Variants in APBA1 observed in about 807,000 individuals in gnomAD.
APBA1 encodes amyloid beta precursor protein binding family A member 1.
APBA1 carries 55 observed loss-of-function variants against 86.6 expected under a neutral mutation model. That is an observed-to-expected ratio of 0.64 (90% CI 0.51 to 0.80). The LOEUF is 0.80. Ranked by LOEUF, APBA1 falls within the 30% of genes least tolerant of loss-of-function variation. The pLI, the probability that APBA1 is intolerant of heterozygous loss-of-function variation, is 0.00. For missense variants in APBA1, 1,090 were observed against 1,183.0 expected, an observed-to-expected ratio of 0.92 and a Z score of 1.15; for synonymous variants, 511 against 493.9, an observed-to-expected ratio of 1.03 and a Z score of -0.46.
At chr9:69,501,081 G>A (rs1835873413) in intron 2 of APBA1, among the ~76,000 whole-genome samples, 1 of 151,922 alleles carries the variant, frequency 6.6e-6, no homozygotes, top group African/African-American at 2.4e-5. Flanking sequence ...CCACGGGTAG[G>A]GTCTGACCAA....
intron 1 of APBA1, among the ~76,000 whole-genome samples, chr9:69,588,570 T>C (rs1822067125): frequency 6.6e-6 from 1 of 151,958 alleles, no homozygotes; most frequent in Non-Finnish European, 1.5e-5. Context: ...GAGAGGAAAA[T>C]AATCAGCACT....
chr9:69,467,979 T>TAG lies in APBA1; in HGVS notation c.1337-13_1337-12dup. 6.2e-7 allele frequency: 1 copy of TAG among 1,613,374 alleles called. No homozygotes were observed. Among genetic ancestry groups the TAG allele is most frequent in the Non-Finnish European group, 8.5e-7 (1 of 1,179,492 alleles). ...CGCAGGGTCCCGGAACTGTAACACATAGAGCCACAGTGAGGAAGCCATCCT... is the reference window on the plus strand; with the variant it reads ...CGCAGGGTCCCGGAACTGTAACACATAGAGAGCCACAGTGAGGAAGCCATCCT... On this transcript the variant is annotated splice_polypyrimidine_tract_variant and intron_variant, in intron 4 of 12. Coordinates refer to ENST00000265381, the MANE Select transcript of APBA1 (RefSeq NM_001163.4).
At chr9:69,496,309 T>A (rs1413938849) in intron 2 of APBA1, among the ~76,000 whole-genome samples, 1 of 152,058 alleles carries the variant, frequency 6.6e-6, no homozygotes, top group Non-Finnish European at 1.5e-5. Flanking sequence ...TTCTCTCTCA[T>A]CAAACCCTTT....
intron 1 of APBA1, among the ~76,000 whole-genome samples, chr9:69,586,456 C>T (rs1822021841): frequency 6.6e-6 from 1 of 152,156 alleles, no homozygotes; most frequent in African/African-American, 2.4e-5. Flanking sequence ...AGTTGACTGA[C>T]CTCTGAGGTT....
intron 1 of APBA1, among the ~76,000 whole-genome samples, chr9:69,640,757 C>A (rs1180531572): frequency 1.3e-5 from 2 of 152,096 alleles, no homozygotes; most frequent in African/African-American, 4.8e-5. Flanking sequence ...TAAAAACTCT[C>A]AACAAACTAG....
rs772591680 is a variant in APBA1, at chr9:69,516,094, C to T, written c.1117G>A (p.Glu373Lys). 7 of 1,613,174 alleles carry T rather than the reference C, an allele frequency of 4.3e-6. No individual in the cohort carries two copies. The South Asian group carries it at 5.5e-5, about 13-fold the overall frequency. The change falls in exon 2 of 13, where the codon GAG becomes AAG. Residue 373 changes from glutamate (E) to lysine (K), a missense_variant. This residue lies in a region of APBA1 where 678 missense variants were observed against 647.1 expected (regional missense o/e 1.05). Transcript: ENST00000265381. This position sits in a 1 kb window ranked among gnomAD's most constrained non-coding sequence, Gnocchi z 7.3. The stretch of plus-strand genomic sequence containing the variant: ...ATGACCCAGATGGGCTCTTTGGGCT[C>T]GTCGGGGGTGTAAGGCGAACGGATG... ...RTIRSPYTPD[E>K]PKEPIWVMRQ...
intron 1 of APBA1, among the ~76,000 whole-genome samples, chr9:69,561,869 C>T (rs552743936): frequency 3.3e-5 from 5 of 152,158 alleles, no homozygotes; most frequent in South Asian, 4.1e-4. Flanking sequence ...TCAGGTGATC[C>T]GCCCATCTCG....
At chr9:69,505,249 C>G (rs1835939975) in intron 2 of APBA1, among the ~76,000 whole-genome samples, 1 of 152,110 alleles carries the variant, frequency 6.6e-6, no homozygotes, top group African/African-American at 2.4e-5. Flanking sequence ...TCTTGTGAGG[C>G]TGCTCCCTTA....
intron 5 of APBA1, chr9:69,465,352 T>G (rs1835258828): frequency 6.6e-6 from 1 of 152,332 alleles, no homozygotes; most frequent in South Asian, 2.1e-4. Flanking sequence ...CCAGGTGGCA[T>G]ATCTGGTACC....
At chr9:69,571,433 T>C (rs1186277308) in intron 1 of APBA1, among the ~76,000 whole-genome samples, 1 of 152,182 alleles carries the variant, frequency 6.6e-6, no homozygotes, top group Non-Finnish European at 1.5e-5. Context: ...GGAAATGCTT[T>C]CAATATAATG....
chr9:69,512,223 A>G (rs962730131), intron 2 of APBA1, among the ~76,000 whole-genome samples: 3 of 152,190 alleles, frequency 2.0e-5, no homozygotes, highest in Admixed American at 1.3e-4. Context: ...AGAAAATCAC[A>G]TAAGTATTTT....
At chr9:69,489,491 G>A (rs912196102) in intron 2 of APBA1, among the ~76,000 whole-genome samples, 1 of 152,084 alleles carries the variant, frequency 6.6e-6, no homozygotes, top group African/African-American at 2.4e-5. Flanking sequence ...ATGGATTAAA[G>A]ACTTAAATGT....
intron 2 of APBA1, among the ~76,000 whole-genome samples, chr9:69,476,762 T>G (rs1432485808): frequency 6.6e-6 from 1 of 152,176 alleles, no homozygotes; most frequent in Non-Finnish European, 1.5e-5. Context: ...AAAAATCCTT[T>G]GTCAAACGGT....
intron 1 of APBA1, among the ~76,000 whole-genome samples, chr9:69,539,411 CT>C (rs1267424802): frequency 2.6e-5 from 4 of 152,124 alleles, no homozygotes; most frequent in East Asian, 3.8e-4. Flanking sequence ...TCTTTTAATC[CT>C]TTTTTTCATA....
Position 69,471,646 on chromosome 9 carries a change from C to CAGCT in APBA1, c.1336+6_1336+9dup. The CAGCT allele has an allele frequency of 6.2e-7, 1 of 1,612,142 alleles. No individual in the cohort carries two copies. The highest frequency in any genetic ancestry group is 1.1e-5 in the South Asian group (1 of 91,028). Reference sequence around the variant, plus strand: ...GACTCAGTGCTCAGTATTTTCTTTTCAGCTCTTACCTTCAACGTAGGTTGG... The same window carrying CAGCT: ...GACTCAGTGCTCAGTATTTTCTTTTCAGCTAGCTCTTACCTTCAACGTAGGTTGG... On this transcript the variant is annotated intron_variant, in intron 4 of 12. Coordinates refer to ENST00000265381, the MANE Select transcript of APBA1 (RefSeq NM_001163.4).
At chr9:69,577,942 G>T (rs1054785510) in intron 1 of APBA1, among the ~76,000 whole-genome samples, 2 of 152,082 alleles carry the variant, frequency 1.3e-5, no homozygotes, top group East Asian at 3.9e-4. Flanking sequence ...CACCAGCACT[G>T]GCCCAACTGG....
chr9:69,662,112 G>C (rs549014494), intron 1 of APBA1, among the ~76,000 whole-genome samples: 1 of 151,962 alleles, frequency 6.6e-6, no homozygotes, highest in East Asian at 1.9e-4. Context: ...TGGGGCAGTG[G>C]GGATGGGAAG....
chr9:69,601,678 T>C (rs73647260), intron 1 of APBA1, among the ~76,000 whole-genome samples: 12,233 of 152,264 alleles, frequency 0.08, 716 homozygotes, highest in African/African-American at 0.16. Context: ...GTTGGAAAGA[T>C]TGGAACCGAG....
chr9:69,622,412 C>T (rs1362495118), intron 1 of APBA1, among the ~76,000 whole-genome samples: 3 of 152,096 alleles, frequency 2.0e-5, no homozygotes, highest in African/African-American at 7.2e-5. Context: ...GTAGGTCTGG[C>T]TAGGTTTCAT....
Sources: gnomAD v4.1 joint callset for allele counts (sites outside exome capture counted in the v4.1 genomes callset) on GRCh38, gnomAD v4.1.1 for gene constraint, gnomAD v4.1.1 regional missense constraint, Gnocchi (gnomAD v3.1) non-coding constraint, MANE v1.5 for transcripts, NCBI Gene and HGNC (gene_info 2026-07-23, HGNC 2026-07-21) for gene names.